The following FIGN variants were observed in gnomAD, a reference collection of about 807,000 sequenced individuals.
The protein encoded by FIGN is fidgetin, microtubule severing factor.
A neutral mutation model predicts 51.3 loss-of-function variants in FIGN; 11 were observed. The ratio of observed to expected loss-of-function variants is 0.21; its 90% CI spans 0.13 to 0.35. The LOEUF is 0.35. Ranked by LOEUF, FIGN falls within the 10% of genes least tolerant of loss-of-function variation. The pLI, the probability that FIGN is intolerant of heterozygous loss-of-function variation, is 1.00. For missense variants in FIGN, 857 were observed against 943.6 expected (o/e 0.91, Z 1.20); for synonymous variants, 407 against 363.2 (o/e 1.12, Z -1.37).
intron 2 of FIGN, among the ~76,000 whole-genome samples, chr2:163,703,719 G>C (rs1022069827): frequency 1.3e-5 from 2 of 151,972 alleles, no homozygotes; most frequent in Admixed American, 6.6e-5. Context: ...TTGCTTCCTG[G>C]CTCTACTCAT....
At position 163,660,660 on chromosome 2, in the gene FIGN, T is replaced by C. The variant is rs1031957531; in HGVS notation, c.26-48854A>G. ...GACTGAAAAAGAGCAACAAACTATA[T>C]ATACATATACATATATATATATATA... is the stretch of plus-strand genomic sequence containing the variant. On this transcript the variant is annotated intron_variant, in intron 2 of 2. Transcript: ENST00000333129. Among the ~76,000 whole-genome samples the C allele has an allele frequency of 2.7e-4, 23 of 85,960 alleles. 1 individual carries two copies. Among genetic ancestry groups the C allele is most frequent in the African/African-American group, 6.9e-4 (23 of 33,320 alleles). The allele number at this position is 85,960 out of a possible 152,430, so 56.4% of individuals were successfully genotyped here. A position where few individuals can be genotyped will look rare whatever the true frequency, so the allele number is the denominator to read the frequency against.
chr2:163,615,475 A>T (rs550735196), intron 2 of FIGN, among the ~76,000 whole-genome samples: 2 of 152,198 alleles, frequency 1.3e-5, no homozygotes, highest in African/African-American at 4.8e-5. Flanking sequence ...TTTTGTTGTT[A>T]TTGTTATTGT....
At chr2:163,713,575 T>C (rs973589804) in intron 2 of FIGN, among the ~76,000 whole-genome samples, 2 of 152,156 alleles carry the variant, frequency 1.3e-5, no homozygotes, top group African/African-American at 4.8e-5. Flanking sequence ...GTAATCCCCC[T>C]TCACATCAGT....
intron 2 of FIGN, among the ~76,000 whole-genome samples, chr2:163,712,615 C>T (rs889617360): frequency 3.3e-5 from 5 of 151,836 alleles, no homozygotes; most frequent in Non-Finnish European, 5.9e-5. Flanking sequence ...AAATAAAAAC[C>T]GCTGAGTTCA....
At chr2:163,675,343 T>C (rs181722405) in intron 2 of FIGN, among the ~76,000 whole-genome samples, 388 of 152,294 alleles carry the variant, frequency 2.5e-3, no homozygotes, top group Non-Finnish European at 4.5e-3. Context: ...ATCACACACA[T>C]AGGAAAAAAC....
chr2:163,622,906 CATTTT>C (rs1385317228), intron 2 of FIGN, among the ~76,000 whole-genome samples: 1 of 152,160 alleles, frequency 6.6e-6, no homozygotes, highest in Non-Finnish European at 1.5e-5. Context: ...AAAGAAATTT[CATTTT>C]AAGTGTGCTA....
At chr2:163,707,532 A>C (rs1344071905) in intron 2 of FIGN, among the ~76,000 whole-genome samples, 6 of 152,184 alleles carry the variant, frequency 3.9e-5, no homozygotes, top group Non-Finnish European at 8.8e-5. Context: ...TTTTTAGTAA[A>C]GTAAAATAAT....
chr2:163,692,866 A>G (rs1684259212), intron 2 of FIGN, among the ~76,000 whole-genome samples: 1 of 152,226 alleles, frequency 6.6e-6, no homozygotes, highest in Non-Finnish European at 1.5e-5. Flanking sequence ...GAAGGCAAAC[A>G]CAATTTAAGA....
intron 2 of FIGN, among the ~76,000 whole-genome samples, chr2:163,633,035 T>C (rs1379954790): frequency 6.6e-6 from 1 of 151,880 alleles, no homozygotes; most frequent in Non-Finnish European, 1.5e-5. Context: ...CCTTTTAAAA[T>C]TCGCCAGGTG....
chr2:163,667,350 A>C (rs566871280), intron 2 of FIGN, among the ~76,000 whole-genome samples: 1 of 152,090 alleles, frequency 6.6e-6, no homozygotes, highest in South Asian at 2.1e-4. Context: ...AAAAAAAAAA[A>C]AAAACTTTTC....
In FIGN at chr2:163,606,560, G is replaced by T. The variant is rs903128597; in HGVS notation, c.*2992C>A. 1.3e-5 allele frequency: 2 copies of T among 152,232 alleles called. No homozygotes were observed. The highest frequency in any genetic ancestry group is 2.9e-5 in the Non-Finnish European group (2 of 68,098). 9.4% of individuals were successfully genotyped at this position (152,232 alleles called of 1,614,324 possible). On this transcript the variant is annotated 3_prime_UTR_variant, in exon 3 of 3. Transcript: ENST00000333129. ...GGGTATGAAGCCCCATTACTCAGTT[G>T]TACTATCACCGACTGTACACATTCA...
chr2:163,728,656 G>A (rs935452013), intron 2 of FIGN, among the ~76,000 whole-genome samples: 4 of 152,108 alleles, frequency 2.6e-5, no homozygotes, highest in African/African-American at 9.7e-5. Context: ...GGAATAGTCA[G>A]TCTCCAATAG....
chr2:163,643,511 T>A (rs1383363697), intron 2 of FIGN, among the ~76,000 whole-genome samples: 2 of 151,370 alleles, frequency 1.3e-5, no homozygotes, highest in Non-Finnish European at 2.9e-5. Context: ...ATTAGCTGGG[T>A]GTGGCAGCAT....
At chr2:163,705,554 A>G (rs955877001) in intron 2 of FIGN, among the ~76,000 whole-genome samples, 6 of 152,102 alleles carry the variant, frequency 3.9e-5, no homozygotes, top group East Asian at 1.9e-4. Context: ...TAAAAAATAC[A>G]TAAGTTGACA....
intron 2 of FIGN, among the ~76,000 whole-genome samples, chr2:163,659,555 C>T (rs1490012818): frequency 2.0e-5 from 3 of 152,092 alleles, no homozygotes; most frequent in Non-Finnish European, 4.4e-5. Context: ...ACCCTAAGTC[C>T]CATCAAATGA....
intron 2 of FIGN, among the ~76,000 whole-genome samples, chr2:163,711,096 T>C (rs1463520938): frequency 6.6e-6 from 1 of 152,126 alleles, no homozygotes; most frequent in Non-Finnish European, 1.5e-5. Flanking sequence ...CAAATCTCCT[T>C]TTTACTCCAA....
intron 2 of FIGN, among the ~76,000 whole-genome samples, chr2:163,622,433 A>C (rs952221268): frequency 2.0e-5 from 3 of 152,134 alleles, no homozygotes; most frequent in African/African-American, 7.2e-5. Context: ...CTATTGTAAA[A>C]TTTTATACTT....
At chr2:163,623,567 A>C (rs958893315) in intron 2 of FIGN, among the ~76,000 whole-genome samples, 5 of 152,190 alleles carry the variant, frequency 3.3e-5, no homozygotes, top group Non-Finnish European at 5.9e-5. Flanking sequence ...TAGAATAGAC[A>C]ATTAATAGAA....
intron 2 of FIGN, among the ~76,000 whole-genome samples, chr2:163,630,677 G>A (rs571366251): frequency 1.4e-5 from 2 of 146,756 alleles, no homozygotes; most frequent in South Asian, 4.3e-4. Flanking sequence ...CAAAAAAAAG[G>A]GGGGGGGGAA....
Sources: gnomAD v4.1 joint callset for allele counts (sites outside exome capture counted in the v4.1 genomes callset) on GRCh38, gnomAD v4.1.1 for gene constraint, MANE v1.5 for transcripts, NCBI Gene and HGNC (gene_info 2026-07-23, HGNC 2026-07-21) for gene names.